SLC7A9: variants seen among roughly 807,000 people sequenced by gnomAD.
The protein encoded by SLC7A9 is B(0,+)-type amino acid transporter 1.
A neutral mutation model predicts 54.1 loss-of-function variants in SLC7A9; 38 were observed. That is an observed-to-expected ratio of 0.70 (90% CI 0.54 to 0.92). The LOEUF is 0.92. SLC7A9 is among the 40% of genes least tolerant of loss of function. The probability of loss-of-function intolerance (pLI) is 0.00; values close to 1 mark genes in which losing one functional copy is unlikely to be tolerated. For synonymous variants in SLC7A9, 264 were observed against 258.9 expected (o/e 1.02, Z -0.19); for missense variants, 537 against 636.1 (o/e 0.84, Z 1.68).
intron 2 of SLC7A9, among the ~76,000 whole-genome samples, chr19:32,867,014 TC>T (rs1266508977): frequency 6.6e-6 from 1 of 151,522 alleles, no homozygotes; most frequent in African/African-American, 2.4e-5. Flanking sequence ...CTTTCTGCCT[TC>T]CCCCCAGCCC....
intron 2 of SLC7A9, among the ~76,000 whole-genome samples, chr19:32,867,313 G>A (rs1366278741): frequency 1.3e-5 from 2 of 151,686 alleles, no homozygotes; most frequent in African/African-American, 2.4e-5. Context: ...ACCAGCCTGG[G>A]CAACACAGCA....
chr19:32,848,151 ACAT>A (rs1379188188), intron 9 of SLC7A9, among the ~76,000 whole-genome samples: 1 of 152,268 alleles, frequency 6.6e-6, no homozygotes, highest in Non-Finnish European at 1.5e-5. Context: ...TAACCAGCTA[ACAT>A]CATAATGACA....
chr19:32,846,080 C>A (rs1968283138), intron 9 of SLC7A9, among the ~76,000 whole-genome samples: 1 of 152,158 alleles, frequency 6.6e-6, no homozygotes, highest in Admixed American at 6.5e-5. Context: ...GTCTACAGCT[C>A]CCAGCGTGAG....
At chr19:32,838,066 C>T (rs142519213) in intron 11 of SLC7A9, among the ~76,000 whole-genome samples, 7 of 152,264 alleles carry the variant, frequency 4.6e-5, no homozygotes, top group East Asian at 1.9e-4. Flanking sequence ...CAGGTGAGGA[C>T]GCCGTGCCTG....
chr19:32,845,470 C>A (rs1336420926), intron 9 of SLC7A9, among the ~76,000 whole-genome samples: 1 of 151,826 alleles, frequency 6.6e-6, no homozygotes, highest in Non-Finnish European at 1.5e-5. Flanking sequence ...ACTCCAGACT[C>A]CAGCCTGAGC....
At chr19:32,854,681 CG>C (rs1968566941) in intron 9 of SLC7A9, among the ~76,000 whole-genome samples, 1 of 151,950 alleles carries the variant, frequency 6.6e-6, no homozygotes, top group Non-Finnish European at 1.5e-5. Flanking sequence ...CTCTGCTTCC[CG>C]GGTCAAGCAA....
At position 32,859,961 on chromosome 19, in the gene SLC7A9, GT is replaced by G. The variant is rs1419592020; in HGVS notation, c.752del (p.Asn251ThrfsTer13). The G allele has an allele frequency of 1.1e-5, 17 of 1,614,040 alleles. No individual in the cohort carries two copies. Among genetic ancestry groups the G allele is most frequent in the Non-Finnish European group, 1.4e-5 (16 of 1,180,042 alleles). ...ITEELRNPYR[N>X]LPLAIIIGIP... is the part of the protein sequence containing the mutation. ...TCCCGATGATAATGGCCAAAGGCAG[GT>G]TTCTGGGAGGGGCAATGACACGGAG... On this transcript the variant is annotated frameshift_variant and splice_region_variant, in exon 8 of 13. Coordinates refer to ENST00000023064, the MANE Select transcript of SLC7A9 (RefSeq NM_014270.5). LOFTEE classifies it high-confidence loss of function.
At position 32,862,422 on chromosome 19, in the gene SLC7A9, G is replaced by A. The variant is rs574320110; in HGVS notation, c.604+39C>T. On this transcript the variant is annotated intron_variant, in intron 5 of 12. Coordinates refer to ENST00000023064, the MANE Select transcript of SLC7A9 (RefSeq NM_014270.5). ...TCCTGCTCCCAGTGGAAGGGCGTTT[G>A]GTGTGTGCCCGTGCAGGGCCCACCC... 28 of 1,611,472 alleles carry A rather than the reference G, an allele frequency of 1.7e-5. No individual in the cohort carries two copies. In the South Asian group the frequency reaches 2.9e-4, roughly 16 times the overall value.
rs187594075 is a variant in SLC7A9, at chr19:32,861,747, C to T, written c.704+371G>A. Among the ~76,000 whole-genome samples the T allele has an allele frequency of 7.2e-3, 1,093 of 151,936 alleles. 7 individuals carry two copies. The highest frequency in any genetic ancestry group is 0.012 in the Non-Finnish European group (817 of 67,938). On this transcript the variant is annotated intron_variant, in intron 6 of 12. Transcript: ENST00000023064. Reference sequence around the variant, plus strand: ...GGAAGCTGACTTGAGCCCAGGAGCTCAAGGCTGCAGTGAGCTATGATCACG... The same window carrying T: ...GGAAGCTGACTTGAGCCCAGGAGCTTAAGGCTGCAGTGAGCTATGATCACG...
intron 9 of SLC7A9, among the ~76,000 whole-genome samples, chr19:32,848,970 T>TG (rs1232942609): frequency 6.6e-6 from 1 of 152,054 alleles, no homozygotes; most frequent in East Asian, 1.9e-4. Context: ...GAAATAAAGA[T>TG]GTTCTTTGAA....
intron 9 of SLC7A9, among the ~76,000 whole-genome samples, chr19:32,853,447 G>A (rs911521359): frequency 6.6e-6 from 1 of 152,044 alleles, no homozygotes; most frequent in African/African-American, 2.4e-5. Flanking sequence ...ACCTTAATTA[G>A]AACTGTTAAA....
intron 9 of SLC7A9, among the ~76,000 whole-genome samples, chr19:32,852,908 T>A (rs1322183727): frequency 1.8e-5 from 2 of 109,676 alleles, no homozygotes; most frequent in African/African-American, 6.1e-5. Context: ...CTATAAACTT[T>A]TTTTTTTTTT....
In SLC7A9 at chr19:32,866,509, C is replaced by T. The variant is rs575017495; in HGVS notation, c.88-1733G>A. Among the ~76,000 whole-genome samples, 10 of 152,214 alleles carry T rather than the reference C, an allele frequency of 6.6e-5. No homozygotes were observed. In the East Asian group the frequency reaches 1.5e-3, roughly 24 times the overall value. ...GCGCGATCATGACTCACTGCAGCCT[C>T]GATCTCCTGGGCTCAAGGGATCCTC... On this transcript the variant is annotated intron_variant, in intron 2 of 12. Transcript: ENST00000023064.
At chr19:32,859,357 C>T (rs79123721) in intron 8 of SLC7A9, among the ~76,000 whole-genome samples, 1 of 151,972 alleles carries the variant, frequency 6.6e-6, no homozygotes, top group Non-Finnish European at 1.5e-5. Context: ...TCCCTCCCAC[C>T]TCAGCAGCCC....
At position 32,839,265 on chromosome 19, in the gene SLC7A9, A is replaced by G. The variant is rs115520504; in HGVS notation, c.1224+2903T>C. On this transcript the variant is annotated intron_variant, in intron 11 of 12. Coordinates refer to ENST00000023064, the MANE Select transcript of SLC7A9 (RefSeq NM_014270.5). ...TCTCTGGGTGATTCCTCAAGGTCTC[A>G]TGTAATTGGCGGGGCACGGTGGCTC... 5.0e-3 allele frequency among the ~76,000 whole-genome samples: 767 copies of G among 152,176 alleles called. 10 individuals carry two copies. The highest frequency in any genetic ancestry group is 0.018 in the African/African-American group (730 of 41,516).
intron 9 of SLC7A9, among the ~76,000 whole-genome samples, chr19:32,845,206 G>C (rs959928843): frequency 6.6e-6 from 1 of 151,570 alleles, no homozygotes; most frequent in Non-Finnish European, 1.5e-5. Context: ...TAAAAAACAG[G>C]AGCCTGAGCT....
At chr19:32,853,754 T>C (rs1206324161) in intron 9 of SLC7A9, among the ~76,000 whole-genome samples, 1 of 151,976 alleles carries the variant, frequency 6.6e-6, no homozygotes, top group Admixed American at 6.6e-5. Context: ...CTGTCTCTAC[T>C]AAAAATACAA....
chr19:32,859,547 G>A (rs1246166785), intron 8 of SLC7A9, among the ~76,000 whole-genome samples: 1 of 152,012 alleles, frequency 6.6e-6, no homozygotes, highest in Non-Finnish European at 1.5e-5. Flanking sequence ...TGGTGCAAAA[G>A]TAATTGCCAG....
At chr19:32,859,332 G>A (rs1481752476) in intron 8 of SLC7A9, among the ~76,000 whole-genome samples, 1 of 151,680 alleles carries the variant, frequency 6.6e-6, no homozygotes, top group African/African-American at 2.4e-5. Flanking sequence ...CACTCCAACC[G>A]GAATGGCTGA....
Sources: gnomAD v4.1 joint callset for allele counts (sites outside exome capture counted in the v4.1 genomes callset) on GRCh38, gnomAD v4.1.1 for gene constraint, MANE v1.5 for transcripts, NCBI Gene and HGNC (gene_info 2026-07-23, HGNC 2026-07-21) for gene names.